SLIT2: variants seen among roughly 807,000 people sequenced by gnomAD.
SLIT2 encodes slit guidance ligand 2.
A neutral mutation model predicts 185.7 loss-of-function variants in SLIT2; 41 were observed. The ratio of observed to expected loss-of-function variants is 0.22; its 90% CI spans 0.17 to 0.29. SLIT2 has a LOEUF of 0.29. Among genes scored for constraint, SLIT2 ranks in the 10% least tolerant of loss-of-function variants. SLIT2 has a pLI of 1.00. For synonymous variants in SLIT2, 693 were observed against 680.2 expected (o/e 1.02, Z -0.29); for missense variants, 1,571 against 1,909.0 (o/e 0.82, Z 3.30).
chr4:20,343,266 A>G (rs1721113174), intron 4 of SLIT2, among the ~76,000 whole-genome samples: 1 of 152,024 alleles, frequency 6.6e-6, no homozygotes. Flanking sequence ...TCCACTCTCC[A>G]TTACTTCGTG....
chr4:20,270,421 G>T (rs779213388), intron 4 of SLIT2, among the ~76,000 whole-genome samples: 5 of 151,882 alleles, frequency 3.3e-5, no homozygotes, highest in Non-Finnish European at 7.4e-5. Flanking sequence ...CAGACCAAGA[G>T]ATTTTCTTTT....
chr4:20,467,264 G>C (rs1391844712), intron 4 of SLIT2, among the ~76,000 whole-genome samples: 1 of 152,072 alleles, frequency 6.6e-6, no homozygotes. Flanking sequence ...ATTACTAGAA[G>C]TGCTATGAAA....
At position 20,327,068 on chromosome 4, in the gene SLIT2, A is replaced by G. The variant is rs540505891; in HGVS notation, c.395+58187A>G. On this transcript the variant is annotated intron_variant, in intron 4 of 36. Coordinates refer to ENST00000504154, the MANE Select transcript of SLIT2 (RefSeq NM_004787.4). ...ATCCCAAACAGTAGGTTTCTAAGCC[A>G]GTTTCTTTGTTTTCCCTCCTATTAT... 2.6e-5 allele frequency among the ~76,000 whole-genome samples: 4 copies of G among 152,052 alleles called. No homozygotes were observed. In the East Asian group the frequency reaches 7.7e-4, roughly 29 times the overall value.
At chr4:20,590,180 C>G (rs1488134866) in intron 30 of SLIT2, among the ~76,000 whole-genome samples, 1 of 152,190 alleles carries the variant, frequency 6.6e-6, no homozygotes, top group East Asian at 1.9e-4. Context: ...GCTGGGATTA[C>G]AGGCGTGAGC....
chr4:20,398,355 AGC>A (rs1726083654), intron 4 of SLIT2, among the ~76,000 whole-genome samples: 1 of 151,848 alleles, frequency 6.6e-6, no homozygotes, highest in Non-Finnish European at 1.5e-5. Context: ...GTCTTAGCAG[AGC>A]ATTAACATCA....
At chr4:20,438,540 G>A (rs1394908330) in intron 4 of SLIT2, among the ~76,000 whole-genome samples, 1 of 152,064 alleles carries the variant, frequency 6.6e-6, no homozygotes, top group Non-Finnish European at 1.5e-5. Flanking sequence ...CATAACACAT[G>A]GGAATTATGG....
At chr4:20,480,633 A>G in intron 5 of SLIT2, 83 bp from the exon 6 acceptor site, 1 of 971,336 alleles carries the variant, frequency 1.0e-6, no homozygotes, top group Middle Eastern at 2.3e-4. Context: ...CCAGGGTATC[A>G]TAGACCCTTC....
At chr4:20,400,982 G>T (rs1276003923) in intron 4 of SLIT2, among the ~76,000 whole-genome samples, 1 of 151,750 alleles carries the variant, frequency 6.6e-6, no homozygotes, top group Admixed American at 6.6e-5. Context: ...ATCTGTTTAG[G>T]GTTGGAGCTA....
At chr4:20,369,574 C>T (rs1477133846) in intron 4 of SLIT2, among the ~76,000 whole-genome samples, 1 of 152,078 alleles carries the variant, frequency 6.6e-6, no homozygotes, top group East Asian at 1.9e-4. Context: ...TCTCTGAGTC[C>T]TTGGATTGTC....
chr4:20,465,904 G>A (rs1481024661), intron 4 of SLIT2, among the ~76,000 whole-genome samples: 1 of 151,606 alleles, frequency 6.6e-6, no homozygotes, highest in African/African-American at 2.4e-5. Context: ...GAGCCTAGGA[G>A]CAGGTAAAGT....
At chr4:20,600,413 ATTTTTTT>A (rs1281627568) in intron 33 of SLIT2, among the ~76,000 whole-genome samples, 2 of 89,500 alleles carry the variant, frequency 2.2e-5, no homozygotes, top group Non-Finnish European at 4.2e-5. Context: ...ATTATGTTGC[ATTTTTTT>A]TTTTTTTTTT....
At chr4:20,458,088 C>CAAAAAAA (rs10672353) in intron 4 of SLIT2, among the ~76,000 whole-genome samples, 3 of 112,918 alleles carry the variant, frequency 2.7e-5, no homozygotes, top group Admixed American at 9.5e-5. Context: ...ACACATTATG[C>CAAAAAAA]AAAAAAAAAA....
At chr4:20,555,556 T>G (rs1207433261) in intron 26 of SLIT2, among the ~76,000 whole-genome samples, 1 of 152,114 alleles carries the variant, frequency 6.6e-6, no homozygotes, top group East Asian at 1.9e-4. Flanking sequence ...AGCTGCTGAT[T>G]GTATTGTTAT....
chr4:20,316,974 CTA>C (rs1167550235), intron 4 of SLIT2, among the ~76,000 whole-genome samples: 1 of 148,958 alleles, frequency 6.7e-6, no homozygotes, highest in Non-Finnish European at 1.5e-5. Flanking sequence ...CTGCAGTATT[CTA>C]TGTGTAAAAC....
At chr4:20,598,467 T>A in intron 33 of SLIT2, 72 bp downstream of exon 33, 1 of 1,559,724 alleles carries the variant, frequency 6.4e-7, no homozygotes, top group Non-Finnish European at 8.8e-7. Context: ...CTCTATCATT[T>A]TATTATGGAG....
intron 4 of SLIT2, among the ~76,000 whole-genome samples, chr4:20,347,205 G>T (rs1721492503): frequency 6.6e-6 from 1 of 152,168 alleles, no homozygotes; most frequent in Non-Finnish European, 1.5e-5. Flanking sequence ...ATTTTATAGA[G>T]CACTGAGGGA....
chr4:20,508,804 C>G (rs1186168748), intron 9 of SLIT2, among the ~76,000 whole-genome samples: 1 of 151,944 alleles, frequency 6.6e-6, no homozygotes, highest in Non-Finnish European at 1.5e-5. Flanking sequence ...TTAGTAATAT[C>G]AAATGTTACA....
chr4:20,563,856 C>A (rs1724885545), intron 26 of SLIT2, among the ~76,000 whole-genome samples: 1 of 151,798 alleles, frequency 6.6e-6, no homozygotes, highest in Non-Finnish European at 1.5e-5. Flanking sequence ...TAGGTTCCCT[C>A]CTTGACATTC....
intron 4 of SLIT2, among the ~76,000 whole-genome samples, chr4:20,426,746 A>T (rs1469150363): frequency 1.3e-5 from 2 of 152,176 alleles, no homozygotes; most frequent in Non-Finnish European, 2.9e-5. Context: ...TAATAAAAAG[A>T]TTACCTGTTA....
Sources: gnomAD v4.1 joint callset for allele counts (sites outside exome capture counted in the v4.1 genomes callset) on GRCh38, gnomAD v4.1.1 for gene constraint, MANE v1.5 for transcripts, NCBI Gene and HGNC (gene_info 2026-07-23, HGNC 2026-07-21) for gene names.